USP47: variants seen among roughly 807,000 people sequenced by gnomAD.
The protein encoded by USP47 is ubiquitin carboxyl-terminal hydrolase 47.
Under a neutral mutation model 165.1 loss-of-function variants are expected in USP47, and 35 were observed. The ratio of observed to expected loss-of-function variants is 0.21; its 90% CI spans 0.16 to 0.28. The LOEUF (loss-of-function observed/expected upper bound fraction) is 0.28, where lower values mean the gene tolerates loss of function less well. Ranked by LOEUF, USP47 falls within the 10% of genes least tolerant of loss-of-function variation. USP47 has a pLI of 1.00. For missense variants in USP47, 1,277 were observed against 1,607.4 expected, an observed-to-expected ratio of 0.79 and a Z score of 3.52; for synonymous variants, 531 against 544.5, an observed-to-expected ratio of 0.98 and a Z score of 0.35.
At chr11:11,880,829 GCTGA>G (rs1433950627) in intron 2 of USP47, among the ~76,000 whole-genome samples, 1 of 152,048 alleles carries the variant, frequency 6.6e-6, no homozygotes, top group Non-Finnish European at 1.5e-5. Context: ...ATTATCTCTA[GCTGA>G]CTATTTCTTT....
At position 11,854,999 on chromosome 11, in the gene USP47, G is replaced by T. The variant is rs1313101594; in HGVS notation, c.39+12775G>T. Among the ~76,000 whole-genome samples, 3 of 151,762 alleles carry T rather than the reference G, an allele frequency of 2.0e-5. 1 individual carries two copies. ...AGTCCCAGCTACTCGGGAGGCTGAG[G>T]CAGGAGAATGGTGTGAACCCGGGAG... On this transcript the variant is annotated intron_variant, in intron 1 of 27. Coordinates refer to ENST00000527733, the MANE Select transcript of USP47 (RefSeq NM_001282659.2).
chr11:11,847,677 A>G (rs1008792560), intron 1 of USP47, among the ~76,000 whole-genome samples: 1 of 152,046 alleles, frequency 6.6e-6, no homozygotes, highest in Non-Finnish European at 1.5e-5. Context: ...CTTTCTCTCC[A>G]TGGCTCTGCC....
intron 16 of USP47, 43 bp from the exon 17 acceptor site, chr11:11,936,260 A>G: frequency 3.0e-6 from 3 of 1,002,830 alleles, no homozygotes; most frequent in Non-Finnish European, 4.0e-6. Context: ...ATAAATATAT[A>G]TGTATATATA....
At chr11:11,932,200 A>G (rs1854721082) in intron 14 of USP47, among the ~76,000 whole-genome samples, 1 of 152,112 alleles carries the variant, frequency 6.6e-6, no homozygotes, top group Non-Finnish European at 1.5e-5. Context: ...GAGGGGTGCC[A>G]CACACTTTTA....
At chr11:11,896,404 G>C (rs1336260162) in intron 4 of USP47, among the ~76,000 whole-genome samples, 4 of 152,174 alleles carry the variant, frequency 2.6e-5, no homozygotes, top group African/African-American at 9.7e-5. Flanking sequence ...GGGAGGAGGA[G>C]GACGGAGAAG....
intron 1 of USP47, among the ~76,000 whole-genome samples, chr11:11,872,325 G>A (rs1252562974): frequency 6.6e-6 from 1 of 152,202 alleles, no homozygotes; most frequent in East Asian, 1.9e-4. Flanking sequence ...CCAGGAGGAA[G>A]TTATTACACC....
At chr11:11,921,971 T>C (rs2134609291) in intron 10 of USP47, among the ~76,000 whole-genome samples, 1 of 152,062 alleles carries the variant, frequency 6.6e-6, no homozygotes, top group South Asian at 2.1e-4. Flanking sequence ...TTGTGCTTAT[T>C]GTATATTGCT....
intron 16 of USP47, among the ~76,000 whole-genome samples, chr11:11,935,425 A>C (rs1229290987): frequency 6.6e-6 from 1 of 151,962 alleles, no homozygotes; most frequent in Non-Finnish European, 1.5e-5. Flanking sequence ...ATAATGGTGG[A>C]CTGCAAGCAT....
intron 1 of USP47, among the ~76,000 whole-genome samples, chr11:11,876,894 G>C (rs1316915276): frequency 2.0e-5 from 3 of 151,846 alleles, no homozygotes; most frequent in African/African-American, 7.3e-5. Flanking sequence ...GGTCACGTCA[G>C]ATTCATGAGA....
At chr11:11,902,999 C>A in intron 6 of USP47, 139 bp downstream of exon 6, 1 of 927,974 alleles carries the variant, frequency 1.1e-6, no homozygotes, top group Non-Finnish European at 1.5e-6. Flanking sequence ...TTTTCTAACA[C>A]ATTTCATAAC....
At chr11:11,874,465 T>C (rs906052043) in intron 1 of USP47, among the ~76,000 whole-genome samples, 1 of 151,408 alleles carries the variant, frequency 6.6e-6, no homozygotes, top group Non-Finnish European at 1.5e-5. Flanking sequence ...ATCTTAAAAA[T>C]AAAGTCTCTT....
intron 18 of USP47, among the ~76,000 whole-genome samples, chr11:11,938,578 A>ATG (rs1366125551): frequency 6.6e-6 from 1 of 152,080 alleles, no homozygotes; most frequent in East Asian, 1.9e-4. Flanking sequence ...AACAACTTAT[A>ATG]TGTGTTGGCT....
chr11:11,876,074 A>T (rs1850398611), intron 1 of USP47, among the ~76,000 whole-genome samples: 1 of 152,238 alleles, frequency 6.6e-6, no homozygotes, highest in African/African-American at 2.4e-5. Flanking sequence ...AGTTGCCTGT[A>T]AAATAAATAG....
intron 1 of USP47, among the ~76,000 whole-genome samples, chr11:11,874,616 A>G (rs976586958): frequency 2.6e-5 from 4 of 151,460 alleles, no homozygotes; most frequent in Non-Finnish European, 5.9e-5. Flanking sequence ...CTGGAGTGCA[A>G]TGGTGTGACC....
At position 11,844,380 on chromosome 11, in the gene USP47, G is replaced by C. The variant is rs146741294; in HGVS notation, c.39+2156G>C. ...GTGTGATCCTTGAAGCTCCGGGACA[G>C]GTCCTTTTAAACAGTAGTAGAATCA... On this transcript the variant is annotated intron_variant, in intron 1 of 27. Transcript: ENST00000527733. Among the ~76,000 whole-genome samples, 13 of 152,250 alleles carry C rather than the reference G, an allele frequency of 8.5e-5. No homozygotes were observed. The East Asian group carries it at 2.3e-3, about 27-fold the overall frequency.
At chr11:11,934,608 G>A (rs917070201) in intron 16 of USP47, among the ~76,000 whole-genome samples, 4 of 152,080 alleles carry the variant, frequency 2.6e-5, no homozygotes, top group African/African-American at 9.7e-5. Flanking sequence ...TGCTTGGCAC[G>A]TTTAAGAAAC....
intron 11 of USP47, among the ~76,000 whole-genome samples, chr11:11,927,211 C>T (rs1367585360): frequency 6.9e-6 from 1 of 145,088 alleles, no homozygotes; most frequent in East Asian, 2.0e-4. Flanking sequence ...TTTTTCCCCT[C>T]TGCCTCCCCT....
chr11:11,942,633 G>C lies in USP47; in HGVS notation c.2612G>C (p.Gly871Ala), dbSNP rs1855555327. The change falls in exon 20 of 28, where the codon GGA (glycine) becomes GCA (alanine). Residue 871 changes from glycine to alanine, a missense_variant. Coordinates refer to ENST00000527733, the MANE Select transcript of USP47 (RefSeq NM_001282659.2). ...KSLSLQQQQDGDNGDSSKSTE... is the reference protein window; with the variant it reads ...KSLSLQQQQDADNGDSSKSTE... ...TTGTCACTGCAGCAACAGCAGGATG[G>C]AGATAATGGGGACAGCAGCAAAAGT... 6.2e-7 allele frequency: 1 copy of C among 1,613,350 alleles called. No individual in the cohort carries two copies. Among genetic ancestry groups the C allele is most frequent in the Admixed American group, 1.7e-5 (1 of 59,848 alleles).
Position 11,884,542 on chromosome 11 carries a change from T to C in USP47, c.319T>C (p.Leu107=). The C allele has an allele frequency of 1.2e-6, 2 of 1,611,468 alleles. No homozygotes were observed. Among genetic ancestry groups the C allele is most frequent in the Non-Finnish European group, 1.7e-6 (2 of 1,179,170 alleles). The change falls in exon 3 of 28, where the codon TTG becomes CTG. Residue 107 remains leucine, a synonymous_variant. Coordinates refer to ENST00000527733, the MANE Select transcript of USP47 (RefSeq NM_001282659.2). The stretch of plus-strand genomic sequence containing the variant: ...GCCAGGAAAGAAGAACTTTCTGCAT[T>C]TGACAGATAAAGATGGTGAACAACC... ...FEPGKKNFLH[L]TDKDGEQPQI...
Sources: allele counts gnomAD v4.1 joint callset (sites outside exome capture counted in the v4.1 genomes callset), GRCh38; gene constraint gnomAD v4.1.1; transcripts MANE v1.5; gene names NCBI Gene and HGNC (gene_info 2026-07-23, HGNC 2026-07-21).